RPS6KA5: variants seen among roughly 807,000 people sequenced by gnomAD.
RPS6KA5 encodes the protein ribosomal protein S6 kinase alpha-5.
Under a neutral mutation model 85.5 loss-of-function variants are expected in RPS6KA5, and 27 were observed. The ratio of observed to expected loss-of-function variants is 0.32; its 90% CI spans 0.23 to 0.44. The LOEUF (loss-of-function observed/expected upper bound fraction) is 0.44, where lower values mean the gene tolerates loss of function less well. RPS6KA5 is among the 20% of genes least tolerant of loss of function. RPS6KA5 has a pLI of 1.00. For missense variants in RPS6KA5, 811 were observed against 980.9 expected (o/e 0.83, Z 2.31); for synonymous variants, 334 against 348.2 (o/e 0.96, Z 0.46).
chr14:90,986,872 T>C (rs2040076957), intron 2 of RPS6KA5, among the ~76,000 whole-genome samples: 1 of 152,272 alleles, frequency 6.6e-6, no homozygotes, highest in African/African-American at 2.4e-5. Context: ...CATGCCTGTT[T>C]AGGCTAGTCT....
chr14:91,014,501 CAA>C (rs535160742), intron 1 of RPS6KA5, among the ~76,000 whole-genome samples: 5 of 66,428 alleles, frequency 7.5e-5, no homozygotes, highest in Non-Finnish European at 6.1e-5. Context: ...GACTCCATCT[CAA>C]AAAAAAAAAA....
chr14:90,907,256 T>C (rs545832600), intron 7 of RPS6KA5, among the ~76,000 whole-genome samples: 1 of 152,230 alleles, frequency 6.6e-6, no homozygotes, highest in Non-Finnish European at 1.5e-5. Context: ...AGATAATTAA[T>C]GTATAAGAGA....
At chr14:90,957,369 T>C (rs902734127) in intron 3 of RPS6KA5, among the ~76,000 whole-genome samples, 3 of 152,162 alleles carry the variant, frequency 2.0e-5, no homozygotes, top group Admixed American at 2.0e-4. Flanking sequence ...CTAGCCTGTT[T>C]TTATAGTTAT....
At chr14:90,950,582 AGC>A (rs1412399289) in intron 3 of RPS6KA5, among the ~76,000 whole-genome samples, 5 of 152,136 alleles carry the variant, frequency 3.3e-5, no homozygotes, top group African/African-American at 1.2e-4. Flanking sequence ...TACTTTGTTG[AGC>A]GTTATTATGA....
chr14:91,047,393 A>G (rs1161483906), intron 1 of RPS6KA5, among the ~76,000 whole-genome samples: 1 of 152,290 alleles, frequency 6.6e-6, no homozygotes, highest in African/African-American at 2.4e-5. Flanking sequence ...CCTATGAAAA[A>G]CAGAACAGCT....
In RPS6KA5 at chr14:90,887,515, A is replaced by G. The variant is rs568505764; in HGVS notation, c.1836+2972T>C. ...AAGCACCTTTAAAACCACAACCACA[A>G]TATCAGTATCACATCTAAAAAAAAT... On this transcript the variant is annotated intron_variant, in intron 14 of 16. Transcript: ENST00000614987. 8.5e-5 allele frequency among the ~76,000 whole-genome samples: 13 copies of G among 152,222 alleles called. No homozygotes were observed. In the South Asian group the frequency reaches 1.5e-3, roughly 17 times the overall value.
At chr14:90,891,996 TTC>T (rs1241888215) in intron 13 of RPS6KA5, among the ~76,000 whole-genome samples, 1 of 116,166 alleles carries the variant, frequency 8.6e-6, no homozygotes, top group Non-Finnish European at 1.8e-5. Flanking sequence ...TTGATTTTAG[TTC>T]TTTTTTTTTT....
chr14:90,966,548 T>G (rs1159149732), intron 3 of RPS6KA5, among the ~76,000 whole-genome samples: 1 of 152,110 alleles, frequency 6.6e-6, no homozygotes, highest in Non-Finnish European at 1.5e-5. Flanking sequence ...CTTTAGAGAG[T>G]ACAGTGTACC....
chr14:90,884,560 T>C (rs1191421166), intron 14 of RPS6KA5, among the ~76,000 whole-genome samples: 1 of 152,216 alleles, frequency 6.6e-6, no homozygotes, highest in African/African-American at 2.4e-5. Context: ...CACTTTACTG[T>C]CCAAGCCTTT....
chr14:90,953,327 C>T (rs117925270), intron 3 of RPS6KA5, among the ~76,000 whole-genome samples: 4,299 of 152,204 alleles, frequency 0.028, 105 homozygotes, highest in Non-Finnish European at 0.042. Flanking sequence ...CTTATAATTT[C>T]TTATACGTGT....
At chr14:90,994,758 G>C (rs916887302) in intron 2 of RPS6KA5, among the ~76,000 whole-genome samples, 1 of 151,274 alleles carries the variant, frequency 6.6e-6, no homozygotes, top group Admixed American at 6.6e-5. Context: ...GTTTTTAGTA[G>C]AGACGGGGTT....
chr14:90,886,075 TAA>T (rs1735469955), intron 14 of RPS6KA5, among the ~76,000 whole-genome samples: 1 of 151,968 alleles, frequency 6.6e-6, no homozygotes, highest in African/African-American at 2.4e-5. Flanking sequence ...TATCTCTACA[TAA>T]AGATATATAT....
At chr14:90,939,231 T>C (rs1353697432) in intron 5 of RPS6KA5, among the ~76,000 whole-genome samples, 51 of 152,226 alleles carry the variant, frequency 3.4e-4, no homozygotes, top group Admixed American at 3.3e-3. Context: ...TCCCACCAAG[T>C]TCCTCATTTC....
Position 90,853,132 on chromosome 14 carries a change from T to C in RPS6KA5, c.*18942A>G, listed in dbSNP as rs904275478. 5 of 148,006 alleles carry C rather than the reference T, an allele frequency of 3.4e-5. No individual in the cohort carries two copies. The highest frequency in any genetic ancestry group is 1.9e-4 in the East Asian group (1 of 5,184). The allele number at this position is 148,006 out of a possible 1,614,324, so 9.2% of individuals were successfully genotyped here. A position where few individuals can be genotyped will look rare whatever the true frequency, so the allele number is the denominator to read the frequency against. On this transcript the variant is annotated 3_prime_UTR_variant, in exon 17 of 17. Coordinates refer to ENST00000614987, the MANE Select transcript of RPS6KA5 (RefSeq NM_004755.4). Reference sequence around the variant, plus strand: ...TTTGCCGTTCTATAAATAAAATGAGTTCACTATAAAAAAAATTGTTATGAT... The same window carrying C: ...TTTGCCGTTCTATAAATAAAATGAGCTCACTATAAAAAAAATTGTTATGAT...
chr14:91,035,847 C>CAAAAAAAAAAAAAAAAAAA (rs199625173), intron 1 of RPS6KA5, among the ~76,000 whole-genome samples: 8 of 69,900 alleles, frequency 1.1e-4, no homozygotes, highest in Non-Finnish European at 1.5e-4. Flanking sequence ...CCCTCACCTT[C>CAAAAAAAAAAAAAAAAAAA]AAAAAAAAAA....
chr14:90,961,689 A>G (rs1248997772), intron 3 of RPS6KA5, among the ~76,000 whole-genome samples: 2 of 152,092 alleles, frequency 1.3e-5, no homozygotes, highest in Non-Finnish European at 2.9e-5. Context: ...GCTACAGTAA[A>G]CAATCAGTTT....
chr14:91,039,673 G>A (rs2042530507), intron 1 of RPS6KA5, among the ~76,000 whole-genome samples: 1 of 152,162 alleles, frequency 6.6e-6, no homozygotes, highest in Admixed American at 6.5e-5. Context: ...ACAATGTGCA[G>A]CAATATGTGC....
At position 90,923,220 on chromosome 14, in the gene RPS6KA5, G is replaced by A. The variant is rs775395693; in HGVS notation, c.619-24C>T. ...GTCTTGAACAAACAAACAAAAAAGGGATTTGATTTCAAGCTAGTATGACAA... is the reference window on the plus strand; with the variant it reads ...GTCTTGAACAAACAAACAAAAAAGGAATTTGATTTCAAGCTAGTATGACAA... On this transcript the variant is annotated intron_variant, in intron 5 of 16. Transcript: ENST00000614987. 6 of 1,560,062 alleles carry A rather than the reference G, an allele frequency of 3.8e-6. No individual in the cohort carries two copies. The South Asian group carries it at 5.6e-5, about 14-fold the overall frequency.
chr14:90,952,514 GC>G (rs2038253823), intron 3 of RPS6KA5, among the ~76,000 whole-genome samples: 1 of 152,240 alleles, frequency 6.6e-6, no homozygotes. Context: ...TGCCAGAATG[GC>G]ATTACATCAA....
Sources: allele counts gnomAD v4.1 joint callset (sites outside exome capture counted in the v4.1 genomes callset), GRCh38; gene constraint gnomAD v4.1.1; transcripts MANE v1.5; gene names NCBI Gene and HGNC (gene_info 2026-07-23, HGNC 2026-07-21).